ADCY2: variants seen among roughly 807,000 people sequenced by gnomAD.
ADCY2 encodes the protein adenylate cyclase type 2.
ADCY2 carries 31 observed loss-of-function variants against 125.2 expected under a neutral mutation model. That is an observed-to-expected ratio of 0.25 (90% CI 0.19 to 0.33). ADCY2 has a LOEUF of 0.33. Among genes scored for constraint, ADCY2 ranks in the 10% least tolerant of loss-of-function variants. The pLI is 1.00. For missense variants in ADCY2, 904 were observed against 1,418.2 expected (o/e 0.64, Z 5.82); for synonymous variants, 512 against 548.4 (o/e 0.93, Z 0.93).
chr5:7,632,619 G>T (rs375264912), intron 4 of ADCY2, among the ~76,000 whole-genome samples: 3 of 152,104 alleles, frequency 2.0e-5, no homozygotes, highest in Non-Finnish European at 4.4e-5. Context: ...GTTATAAAAG[G>T]TTCTCATCAC....
intron 3 of ADCY2, among the ~76,000 whole-genome samples, chr5:7,609,029 T>C (rs887242709): frequency 6.6e-6 from 1 of 152,208 alleles, no homozygotes; most frequent in Admixed American, 6.5e-5. Flanking sequence ...GATGTTTTAG[T>C]TTACCCAACA....
intron 3 of ADCY2, among the ~76,000 whole-genome samples, chr5:7,592,319 G>A (rs2126626784): frequency 6.6e-6 from 1 of 152,056 alleles, no homozygotes; most frequent in East Asian, 1.9e-4. Flanking sequence ...ATCGTTGGAT[G>A]AATAAAAAAA....
intron 24 of ADCY2, among the ~76,000 whole-genome samples, chr5:7,822,203 C>T (rs182654077): frequency 6.6e-6 from 1 of 152,276 alleles, no homozygotes; most frequent in African/African-American, 2.4e-5. Flanking sequence ...AACATGTTCA[C>T]AAGGTTTAGA....
intron 1 of ADCY2, among the ~76,000 whole-genome samples, chr5:7,405,071 G>A (rs1283420785): frequency 2.6e-5 from 4 of 152,142 alleles, no homozygotes; most frequent in Non-Finnish European, 4.4e-5. Flanking sequence ...ATTGATTGAG[G>A]CACCGTGAAG....
intron 5 of ADCY2, among the ~76,000 whole-genome samples, chr5:7,694,784 A>G (rs927572058): frequency 6.6e-6 from 1 of 152,220 alleles, no homozygotes; most frequent in African/African-American, 2.4e-5. Flanking sequence ...ATCTTTGGAT[A>G]TATACCCAGA....
At chr5:7,817,392 T>C (rs895964561) in intron 23 of ADCY2, among the ~76,000 whole-genome samples, 2 of 152,174 alleles carry the variant, frequency 1.3e-5, no homozygotes, top group African/African-American at 4.8e-5. Flanking sequence ...TTAGAATTGT[T>C]GCAATACAGT....
intron 22 of ADCY2, among the ~76,000 whole-genome samples, chr5:7,813,047 C>T (rs1744994515): frequency 6.6e-6 from 1 of 152,218 alleles, no homozygotes; most frequent in African/African-American, 2.4e-5. Flanking sequence ...CTATTTTTGC[C>T]TGATGCAGGC....
intron 22 of ADCY2, among the ~76,000 whole-genome samples, chr5:7,807,937 A>T (rs756744249): frequency 6.6e-6 from 1 of 151,880 alleles, no homozygotes; most frequent in African/African-American, 2.4e-5. Flanking sequence ...TAGCAGCACC[A>T]CCTGTGGTGG....
chr5:7,720,600 A>G (rs1031187924), intron 12 of ADCY2, among the ~76,000 whole-genome samples: 1 of 151,350 alleles, frequency 6.6e-6, no homozygotes, highest in Non-Finnish European at 1.5e-5. Context: ...CCTGTGTCCA[A>G]GTGTTCTCAT....
chr5:7,438,398 T>A (rs531168195), intron 2 of ADCY2, among the ~76,000 whole-genome samples: 1 of 152,254 alleles, frequency 6.6e-6, no homozygotes, highest in Non-Finnish European at 1.5e-5. Flanking sequence ...CATCAGTAAG[T>A]TTTATACTTG....
chr5:7,680,612 C>T (rs1740297229), intron 4 of ADCY2, among the ~76,000 whole-genome samples: 2 of 152,170 alleles, frequency 1.3e-5, no homozygotes, highest in Non-Finnish European at 2.9e-5. Context: ...TTTGGCTAGT[C>T]TTAAGAACTT....
intron 14 of ADCY2, among the ~76,000 whole-genome samples, chr5:7,743,070 G>A (rs753473854): frequency 2.6e-5 from 4 of 152,124 alleles, no homozygotes; most frequent in Non-Finnish European, 4.4e-5. Flanking sequence ...AGCAGGATTT[G>A]CAACTCAGTA....
intron 2 of ADCY2, among the ~76,000 whole-genome samples, chr5:7,466,128 T>G (rs144317329): frequency 6.6e-6 from 1 of 152,328 alleles, no homozygotes; most frequent in Non-Finnish European, 1.5e-5. Flanking sequence ...TTACTGCTGC[T>G]ATGATAAATT....
intron 3 of ADCY2, among the ~76,000 whole-genome samples, chr5:7,596,130 G>T (rs1736993703): frequency 6.6e-6 from 1 of 151,938 alleles, no homozygotes; most frequent in Non-Finnish European, 1.5e-5. Context: ...TTCCATAGTG[G>T]GTAAGCTGTC....
chr5:7,775,359 G>A (rs1560979299), intron 18 of ADCY2, among the ~76,000 whole-genome samples: 2 of 151,952 alleles, frequency 1.3e-5, no homozygotes, highest in Non-Finnish European at 2.9e-5. Context: ...GAGATTACAG[G>A]CATGAGCCAC....
chr5:7,559,057 A>G (rs747910267), intron 3 of ADCY2, among the ~76,000 whole-genome samples: 3 of 152,140 alleles, frequency 2.0e-5, no homozygotes, highest in Non-Finnish European at 4.4e-5. Flanking sequence ...TACCAGTACC[A>G]TGCTGTTTTG....
chr5:7,737,129 T>C (rs1265805906), intron 14 of ADCY2, among the ~76,000 whole-genome samples: 2 of 152,194 alleles, frequency 1.3e-5, no homozygotes, highest in African/African-American at 4.8e-5. Flanking sequence ...CTTTATCTAG[T>C]TAATGGATTA....
intron 16 of ADCY2, among the ~76,000 whole-genome samples, chr5:7,763,360 G>C (rs1279280050): frequency 6.6e-6 from 1 of 152,102 alleles, no homozygotes. Flanking sequence ...CAAAGTGCTG[G>C]GATGACAGGC....
Position 7,408,330 on chromosome 5 carries a change from T to G in ADCY2, c.211-6243T>G, listed in dbSNP as rs182755245. Among the ~76,000 whole-genome samples, 59 of 152,344 alleles carry G rather than the reference T, an allele frequency of 3.9e-4. 2 individuals carry two copies. In the East Asian group the frequency reaches 0.011, roughly 27 times the overall value. On this transcript the variant is annotated intron_variant, in intron 1 of 24. Transcript: ENST00000338316. ...ACGCACCACAAATGTTGATGTGCAC[T>G]GTTTTCATTATTCTTTGAAAATTTA...
Sources: gnomAD v4.1 joint callset for allele counts (sites outside exome capture counted in the v4.1 genomes callset) on GRCh38, gnomAD v4.1.1 for gene constraint, MANE v1.5 for transcripts, NCBI Gene and HGNC (gene_info 2026-07-23, HGNC 2026-07-21) for gene names.